The following NCOA1 variants were observed in gnomAD, a reference collection of about 807,000 sequenced individuals.
NCOA1 encodes nuclear receptor coactivator 1.
NCOA1 carries 35 observed loss-of-function variants against 150.9 expected under a neutral mutation model. The ratio of observed to expected loss-of-function variants is 0.23; its 90% CI spans 0.18 to 0.31. The LOEUF is 0.31. NCOA1 is among the 10% of genes least tolerant of loss of function. The probability of loss-of-function intolerance (pLI) is 1.00; values close to 1 mark genes in which losing one functional copy is unlikely to be tolerated. For missense variants in NCOA1, 1,491 were observed against 1,749.3 expected (o/e 0.85, Z 2.63); for synonymous variants, 590 against 630.0 (o/e 0.94, Z 0.95).
chr2:24,665,127 G>T (rs536397409), intron 5 of NCOA1, among the ~76,000 whole-genome samples: 2 of 152,128 alleles, frequency 1.3e-5, no homozygotes, highest in Non-Finnish European at 2.9e-5. Context: ...GCATTTATAG[G>T]AACTTACAAA....
intron 1 of NCOA1, among the ~76,000 whole-genome samples, chr2:24,541,287 G>T (rs758471654): frequency 1.3e-5 from 2 of 152,190 alleles, no homozygotes; most frequent in Non-Finnish European, 2.9e-5. Flanking sequence ...GAGAAGAATG[G>T]TTGAAAGAGT....
Position 24,569,552 on chromosome 2 carries a change from ATTTTTTTT to A in NCOA1, c.-260+5142_-260+5149del, listed in dbSNP as rs200639064. Among the ~76,000 whole-genome samples the A allele has an allele frequency of 3.4e-3, 323 of 93,800 alleles. 1 individual carries two copies. The highest frequency in any genetic ancestry group is 0.025 in the Middle Eastern group (3 of 120). The allele number at this position is 93,800 out of a possible 152,430, so 61.5% of individuals were successfully genotyped here. On this transcript the variant is annotated intron_variant, in intron 2 of 22. Coordinates refer to ENST00000348332, the MANE Select transcript of NCOA1 (RefSeq NM_003743.5). ...ATCCTCAAACTTGTTGGTTTTATTA[ATTTTTTTT>A]TTTTTTTTTTTTTTTTTTTACTGAA...
At position 24,662,207 on chromosome 2, in the gene NCOA1, C is replaced by T. The variant is rs564230997; in HGVS notation, c.89+3441C>T. On this transcript the variant is annotated intron_variant, in intron 5 of 22. Coordinates refer to ENST00000348332, the MANE Select transcript of NCOA1 (RefSeq NM_003743.5). ...ACATCAGGGTATTGCCAGCATTGTG[C>T]ACAGATCCTTGGATAGGAGTTTCTC... is the stretch of plus-strand genomic sequence containing the variant. Among the ~76,000 whole-genome samples the T allele has an allele frequency of 1.6e-4, 24 of 152,290 alleles. 1 individual carries two copies. In the South Asian group the frequency reaches 5.0e-3, roughly 32 times the overall value.
At chr2:24,535,119 G>GT (rs1389957906) in intron 1 of NCOA1, among the ~76,000 whole-genome samples, 1 of 152,166 alleles carries the variant, frequency 6.6e-6, no homozygotes, top group African/African-American at 2.4e-5. Context: ...CTTGCTTTAT[G>GT]TATCTGGGTG....
chr2:24,617,338 A>C (rs1278873909), intron 3 of NCOA1, among the ~76,000 whole-genome samples: 1 of 152,094 alleles, frequency 6.6e-6, no homozygotes, highest in Non-Finnish European at 1.5e-5. Context: ...ACTGAACGTT[A>C]TGATCTCTCC....
At chr2:24,562,576 T>A (rs1463869986) in intron 1 of NCOA1, among the ~76,000 whole-genome samples, 1 of 152,182 alleles carries the variant, frequency 6.6e-6, no homozygotes, top group South Asian at 2.1e-4. Context: ...AAAGGCAGTG[T>A]CAATTATGGG....
chr2:24,621,069 T>A (rs1160108590), intron 3 of NCOA1, among the ~76,000 whole-genome samples: 1 of 152,186 alleles, frequency 6.6e-6, no homozygotes, highest in Non-Finnish European at 1.5e-5. Context: ...CTTTGGAGTA[T>A]CCCAGCCCTC....
intron 3 of NCOA1, among the ~76,000 whole-genome samples, chr2:24,643,214 A>C (rs1670309644): frequency 6.6e-6 from 1 of 152,328 alleles, no homozygotes; most frequent in East Asian, 1.9e-4. Context: ...CCTCAAGCCA[A>C]TAAGACTGTG....
intron 2 of NCOA1, among the ~76,000 whole-genome samples, chr2:24,575,470 T>A (rs1418981634): frequency 6.6e-6 from 1 of 152,142 alleles, no homozygotes; most frequent in Non-Finnish European, 1.5e-5. Context: ...TTCTCCTGGT[T>A]ATAGGTCATA....
chr2:24,526,990 G>C (rs946901106), intron 1 of NCOA1, among the ~76,000 whole-genome samples: 4 of 152,150 alleles, frequency 2.6e-5, no homozygotes, highest in Non-Finnish European at 5.9e-5. Context: ...ATATGCATAG[G>C]TTATATGCAA....
In NCOA1 at chr2:24,719,826, T is replaced by C. The variant is rs199950063; in HGVS notation, c.2600-6763T>C. ...GATCTCCTTGAGTTTATAGAAAATA[T>C]TATTGATAGATTTATGTCAGAATGT... On this transcript the variant is annotated intron_variant, in intron 14 of 22. Transcript: ENST00000348332. Among the ~76,000 whole-genome samples the C allele has an allele frequency of 1.3e-4, 20 of 152,244 alleles. No homozygotes were observed. In the East Asian group the frequency reaches 3.7e-3, roughly 28 times the overall value.
intron 1 of NCOA1, among the ~76,000 whole-genome samples, chr2:24,502,322 C>G (rs896081436): frequency 3.3e-5 from 5 of 152,132 alleles, no homozygotes; most frequent in African/African-American, 1.2e-4. Context: ...AAACACTTTG[C>G]AAGTTTTGTA....
intron 14 of NCOA1, among the ~76,000 whole-genome samples, chr2:24,719,273 G>A (rs985275789): frequency 3.9e-5 from 6 of 152,052 alleles, no homozygotes; most frequent in Non-Finnish European, 7.4e-5. Flanking sequence ...TCTGATCATT[G>A]TTTGCCTGAG....
intron 2 of NCOA1, among the ~76,000 whole-genome samples, chr2:24,566,504 C>T (rs909405668): frequency 2.0e-5 from 3 of 152,176 alleles, no homozygotes; most frequent in Non-Finnish European, 4.4e-5. Flanking sequence ...TTATGGGCTT[C>T]CCAGGGGCTG....
In NCOA1 at chr2:24,705,100, A is replaced by G. The variant is rs1311623554; in HGVS notation, c.964A>G (p.Thr322Ala). 6.2e-7 allele frequency: 1 copy of G among 1,613,764 alleles called. No homozygotes were observed. Among genetic ancestry groups the G allele is most frequent in the Non-Finnish European group, 8.5e-7 (1 of 1,179,848 alleles). ...GTTTGAAACAGTGATGACTCGTGGC[A>G]CTGCCTCCAGCCCCTCCTATAGATT... ...QLFQEVMTRG[T>A]ASSPSYRFIL... is the part of the protein sequence containing the mutation. The change falls in exon 12 of 23, where the codon ACT becomes GCT. Residue 322 changes from threonine (T) to alanine (A), a missense_variant. Physicochemically the swap from Thr to Ala is moderately conservative, Grantham distance 58. Coordinates refer to ENST00000348332, the MANE Select transcript of NCOA1 (RefSeq NM_003743.5).
At chr2:24,585,923 T>TC (rs1667384101) in intron 3 of NCOA1, among the ~76,000 whole-genome samples, 1 of 152,228 alleles carries the variant, frequency 6.6e-6, no homozygotes, top group Non-Finnish European at 1.5e-5. Flanking sequence ...GAGAATATAT[T>TC]CATCAAATTA....
intron 17 of NCOA1, among the ~76,000 whole-genome samples, chr2:24,734,518 G>C (rs902779168): frequency 6.6e-6 from 1 of 152,118 alleles, no homozygotes; most frequent in Non-Finnish European, 1.5e-5. Flanking sequence ...AACCAGGCTG[G>C]ATGTGATGGC....
intron 3 of NCOA1, among the ~76,000 whole-genome samples, chr2:24,639,916 G>GTATATATATATA (rs67632791): frequency 1.3e-4 from 4 of 29,722 alleles, no homozygotes; most frequent in Admixed American, 1.0e-3. Context: ...ATGTGTGTGT[G>GTATATATATATA]TATATATATA....
intron 3 of NCOA1, among the ~76,000 whole-genome samples, chr2:24,642,007 C>CGTGTGTGTGTGTGTGTGTGTGT (rs58991961): frequency 6.9e-5 from 10 of 144,946 alleles, no homozygotes; most frequent in African/African-American, 1.3e-4. Context: ...TTACAGAGGG[C>CGTGTGTGTGTGTGTGTGTGTGT]GTGTGTGTGT....
Sources: allele counts gnomAD v4.1 joint callset (sites outside exome capture counted in the v4.1 genomes callset), GRCh38; gene constraint gnomAD v4.1.1; transcripts MANE v1.5; gene names NCBI Gene and HGNC (gene_info 2026-07-23, HGNC 2026-07-21).